GRIK1: variants seen among roughly 807,000 people sequenced by gnomAD.
GRIK1 encodes the protein glutamate ionotropic receptor kainate type subunit 1.
GRIK1 carries 69 observed loss-of-function variants against 105.7 expected under a neutral mutation model. The observed-to-expected ratio is 0.65, with a 90% confidence interval of 0.54 to 0.80. GRIK1 has a LOEUF of 0.80. GRIK1 is among the 30% of genes least tolerant of loss of function. The pLI, the probability that GRIK1 is intolerant of heterozygous loss-of-function variation, is 0.00. For synonymous variants in GRIK1, 438 were observed against 431.3 expected (o/e 1.02, Z -0.19); for missense variants, 1,109 against 1,167.3 (o/e 0.95, Z 0.73).
chr21:29,903,469 CAA>C (rs2070488171), intron 1 of GRIK1, among the ~76,000 whole-genome samples: 1 of 152,044 alleles, frequency 6.6e-6, no homozygotes, highest in South Asian at 2.1e-4. Flanking sequence ...AAAAAATGGT[CAA>C]AGAATATGAA....
intron 9 of GRIK1, among the ~76,000 whole-genome samples, chr21:29,591,726 G>T (rs1176441169): frequency 6.6e-6 from 1 of 152,106 alleles, no homozygotes; most frequent in East Asian, 1.9e-4. Flanking sequence ...TGAAGGGGCA[G>T]GGTGAATGGT....
intron 1 of GRIK1, among the ~76,000 whole-genome samples, chr21:29,865,757 T>C (rs567150049): frequency 6.6e-6 from 1 of 152,386 alleles, no homozygotes; most frequent in South Asian, 2.1e-4. Context: ...GAAACAAATC[T>C]TGGAAATATT....
At chr21:29,886,316 T>G (rs2069626534) in intron 1 of GRIK1, among the ~76,000 whole-genome samples, 1 of 152,126 alleles carries the variant, frequency 6.6e-6, no homozygotes, top group Non-Finnish European at 1.5e-5. Flanking sequence ...CTTTCACCTC[T>G]TTTTCAGGCT....
In GRIK1 at chr21:29,537,812, G is replaced by T. The variant is rs182732287; in HGVS notation, c.2680C>A (p.Leu894Ile). 6 of 1,513,068 alleles carry T rather than the reference G, an allele frequency of 4.0e-6. No homozygotes were observed. Among genetic ancestry groups the T allele is most frequent in the Non-Finnish European group, 5.5e-6 (6 of 1,089,618 alleles). The allele number at this position is 1,513,068 out of a possible 1,614,324, so 93.7% of individuals were successfully genotyped here. The stretch of plus-strand genomic sequence containing the variant: ...AATGAACAAACCTTCTCTACACCAA[G>T]GCTTTGTTTTTTTCTCCCATGAAAC... Reference protein sequence around the residue: ...VRFHGRKKQSLGVEKCLSFNA... With the variant: ...VRFHGRKKQSIGVEKCLSFNA... The change falls in exon 17 of 18, where the codon CTT becomes ATT. Residue 894 changes from leucine to isoleucine, a missense_variant. Coordinates refer to ENST00000327783, the MANE Select transcript of GRIK1 (RefSeq NM_001330994.2).
intron 1 of GRIK1, among the ~76,000 whole-genome samples, chr21:29,776,507 T>G (rs553496421): frequency 6.6e-6 from 1 of 152,120 alleles, no homozygotes; most frequent in Non-Finnish European, 1.5e-5. Flanking sequence ...GAGTTGAAAT[T>G]TAAGTCTACA....
intron 7 of GRIK1, among the ~76,000 whole-genome samples, chr21:29,601,390 G>A (rs1412502139): frequency 1.3e-5 from 2 of 152,296 alleles, no homozygotes; most frequent in African/African-American, 2.4e-5. Flanking sequence ...CTCCATGTTG[G>A]TGTGCCAATT....
At chr21:29,621,174 G>T (rs2061993468) in intron 7 of GRIK1, among the ~76,000 whole-genome samples, 1 of 151,992 alleles carries the variant, frequency 6.6e-6, no homozygotes, top group African/African-American at 2.4e-5. Context: ...CAAAATTCTA[G>T]TTTCTCAATT....
chr21:29,600,535 T>C (rs1210785738), intron 7 of GRIK1, among the ~76,000 whole-genome samples: 3 of 152,226 alleles, frequency 2.0e-5, no homozygotes, highest in Admixed American at 6.5e-5. Flanking sequence ...TTTCTCCCTC[T>C]TGACTTTACC....
At chr21:29,939,350 G>T (rs1468111948) in intron 1 of GRIK1, 33 bp downstream of exon 1, 2 of 1,266,920 alleles carry the variant, frequency 1.6e-6, no homozygotes, top group Non-Finnish European at 2.3e-6. Flanking sequence ...GACCGACCAC[G>T]TCTCCCGAGC....
At chr21:29,725,487 A>AT (rs1480683138) in intron 1 of GRIK1, among the ~76,000 whole-genome samples, 1 of 152,214 alleles carries the variant, frequency 6.6e-6, no homozygotes, top group Admixed American at 6.6e-5. Flanking sequence ...ATAAATCCAC[A>AT]TATCGTGCTA....
intron 1 of GRIK1, among the ~76,000 whole-genome samples, chr21:29,892,395 C>G (rs932704892): frequency 2.0e-5 from 3 of 152,194 alleles, no homozygotes; most frequent in African/African-American, 7.2e-5. Context: ...GGAGATGTTT[C>G]TATTTACGCG....
intron 16 of GRIK1, among the ~76,000 whole-genome samples, chr21:29,545,902 A>T (rs897155479): frequency 2.0e-5 from 3 of 152,172 alleles, no homozygotes; most frequent in Non-Finnish European, 2.9e-5. Flanking sequence ...AAGGTAATTA[A>T]TTCACTTTTG....
At chr21:29,929,792 A>G (rs895987756) in intron 1 of GRIK1, among the ~76,000 whole-genome samples, 41 of 152,234 alleles carry the variant, frequency 2.7e-4, no homozygotes, top group Non-Finnish European at 8.8e-5. Flanking sequence ...AAATTATCAT[A>G]TGCTCCAGCA....
At chr21:29,930,988 A>T (rs1422006183) in intron 1 of GRIK1, among the ~76,000 whole-genome samples, 1 of 152,200 alleles carries the variant, frequency 6.6e-6, no homozygotes, top group Non-Finnish European at 1.5e-5. Flanking sequence ...GAATCTTTTT[A>T]AAATATAGAC....
At chr21:29,559,041 G>A (rs185971825) in intron 15 of GRIK1, among the ~76,000 whole-genome samples, 1 of 152,154 alleles carries the variant, frequency 6.6e-6, no homozygotes, top group Non-Finnish European at 1.5e-5. Flanking sequence ...CCAAAAAGGG[G>A]TGTTGAAATG....
At chr21:29,873,768 GT>G (rs1284278243) in intron 1 of GRIK1, among the ~76,000 whole-genome samples, 2 of 152,166 alleles carry the variant, frequency 1.3e-5, no homozygotes, top group Non-Finnish European at 2.9e-5. Context: ...ATTTTATCCT[GT>G]AAAAAATTGG....
intron 3 of GRIK1, among the ~76,000 whole-genome samples, chr21:29,674,379 T>C (rs2063225551): frequency 6.6e-6 from 1 of 152,040 alleles, no homozygotes; most frequent in Non-Finnish European, 1.5e-5. Flanking sequence ...AATAAATTTA[T>C]AATGATATTG....
intron 1 of GRIK1, among the ~76,000 whole-genome samples, chr21:29,924,258 A>T (rs1322979334): frequency 6.7e-6 from 1 of 149,434 alleles, no homozygotes; most frequent in East Asian, 2.0e-4. Flanking sequence ...AATTGCTTGA[A>T]CCCGGGAGGT....
At chr21:29,636,271 C>T (rs760463947) in intron 7 of GRIK1, among the ~76,000 whole-genome samples, 2 of 152,130 alleles carry the variant, frequency 1.3e-5, no homozygotes, top group East Asian at 1.9e-4. Flanking sequence ...ATATTCTAAT[C>T]ATGAAGTTGA....
Sources: gnomAD v4.1 joint callset for allele counts (sites outside exome capture counted in the v4.1 genomes callset) on GRCh38, gnomAD v4.1.1 for gene constraint, MANE v1.5 for transcripts, NCBI Gene and HGNC (gene_info 2026-07-23, HGNC 2026-07-21) for gene names.